The following ZMAT4 variants were observed in gnomAD, a reference collection of about 807,000 sequenced individuals.
The protein encoded by ZMAT4 is zinc finger matrin-type protein 4.
A neutral mutation model predicts 28.7 loss-of-function variants in ZMAT4; 17 were observed. The observed-to-expected ratio is 0.59, with a 90% confidence interval of 0.41 to 0.89. ZMAT4 has a LOEUF of 0.89. Ranked by LOEUF, ZMAT4 falls within the 40% of genes least tolerant of loss-of-function variation. The pLI, the probability that ZMAT4 is intolerant of heterozygous loss-of-function variation, is 0.00. For missense variants in ZMAT4, 240 were observed against 283.8 expected, an observed-to-expected ratio of 0.85 and a Z score of 1.11; for synonymous variants, 117 against 109.2, an observed-to-expected ratio of 1.07 and a Z score of -0.44.
chr8:40,682,181 T>G (rs992761152), intron 4 of ZMAT4, among the ~76,000 whole-genome samples: 2 of 152,220 alleles, frequency 1.3e-5, no homozygotes, highest in Non-Finnish European at 2.9e-5. Flanking sequence ...ACATTTTTAT[T>G]TTACCATTTA....
At chr8:40,887,414 A>T (rs528021858) in intron 1 of ZMAT4, among the ~76,000 whole-genome samples, 12 of 151,560 alleles carry the variant, frequency 7.9e-5, no homozygotes, top group Non-Finnish European at 1.8e-4. Context: ...GCTTGAACCC[A>T]GGAGGCAGAG....
chr8:40,761,735 A>C (rs1812950412), intron 3 of ZMAT4, among the ~76,000 whole-genome samples: 1 of 152,176 alleles, frequency 6.6e-6, no homozygotes, highest in Non-Finnish European at 1.5e-5. Flanking sequence ...TAATTATGAA[A>C]GGGCCCATAG....
intron 5 of ZMAT4, among the ~76,000 whole-genome samples, chr8:40,663,808 G>A (rs968211500): frequency 6.6e-6 from 1 of 152,174 alleles, no homozygotes; most frequent in African/African-American, 2.4e-5. Context: ...ATTATCGTAT[G>A]TGTTTAAGGG....
At chr8:40,733,352 C>A (rs577773721) in intron 3 of ZMAT4, among the ~76,000 whole-genome samples, 44 of 152,228 alleles carry the variant, frequency 2.9e-4, no homozygotes, top group African/African-American at 9.6e-4. Context: ...TGCCTTGAAA[C>A]TCTATTATGT....
intron 1 of ZMAT4, among the ~76,000 whole-genome samples, chr8:40,867,097 C>T (rs1383488111): frequency 1.3e-5 from 2 of 152,100 alleles, no homozygotes; most frequent in African/African-American, 2.4e-5. Flanking sequence ...CGCCTCTAGC[C>T]GATGTTATTG....
chr8:40,754,982 C>A (rs960774976), intron 3 of ZMAT4, among the ~76,000 whole-genome samples: 2 of 151,750 alleles, frequency 1.3e-5, no homozygotes, highest in African/African-American at 2.4e-5. Context: ...TTCCATCCAG[C>A]CTGAGCAACA....
intron 5 of ZMAT4, among the ~76,000 whole-genome samples, chr8:40,670,557 G>T (rs1193014391): frequency 6.6e-6 from 1 of 152,092 alleles, no homozygotes; most frequent in Non-Finnish European, 1.5e-5. Flanking sequence ...AAAAATGCCT[G>T]CTCATTGAAG....
At chr8:40,747,944 A>G (rs1812306032) in intron 3 of ZMAT4, among the ~76,000 whole-genome samples, 1 of 152,236 alleles carries the variant, frequency 6.6e-6, no homozygotes, top group African/African-American at 2.4e-5. Context: ...TTCTTTTACA[A>G]TAAAATATCA....
intron 6 of ZMAT4, among the ~76,000 whole-genome samples, chr8:40,580,570 T>C (rs1804429873): frequency 6.6e-6 from 1 of 152,178 alleles, no homozygotes; most frequent in South Asian, 2.1e-4. Flanking sequence ...AAATGTCCAG[T>C]GGTTTTTAAA....
At chr8:40,862,498 C>T (rs1227082475) in intron 1 of ZMAT4, among the ~76,000 whole-genome samples, 4 of 141,756 alleles carry the variant, frequency 2.8e-5, no homozygotes, top group East Asian at 2.2e-4. Context: ...TGCAGCACAC[C>T]AGCATGGCAC....
intron 1 of ZMAT4, among the ~76,000 whole-genome samples, chr8:40,876,717 G>A (rs1475146357): frequency 1.3e-5 from 2 of 152,202 alleles, no homozygotes; most frequent in Non-Finnish European, 2.9e-5. Context: ...TGATTTGACT[G>A]TTGATGTTAT....
chr8:40,572,871 T>G (rs1036561353), intron 6 of ZMAT4, among the ~76,000 whole-genome samples: 5 of 152,126 alleles, frequency 3.3e-5, no homozygotes, highest in Non-Finnish European at 7.4e-5. Flanking sequence ...CAAAGAGCAA[T>G]CTGACAATTA....
chr8:40,598,938 G>C (rs1166963176), intron 5 of ZMAT4, among the ~76,000 whole-genome samples: 1 of 152,112 alleles, frequency 6.6e-6, no homozygotes, highest in Non-Finnish European at 1.5e-5. Flanking sequence ...TGGTGGAGGA[G>C]GAGTTTGACT....
chr8:40,812,952 A>AATTAC, intron 2 of ZMAT4, among the ~76,000 whole-genome samples: 1 of 146,964 alleles, frequency 6.8e-6, no homozygotes, highest in African/African-American at 2.5e-5. Context: ...AATTAAATTA[A>AATTAC]ATTAAATTAA....
At chr8:40,671,066 CAAAA>C (rs34621757) in intron 5 of ZMAT4, among the ~76,000 whole-genome samples, 1 of 123,588 alleles carries the variant, frequency 8.1e-6, no homozygotes, top group Admixed American at 8.3e-5. Context: ...GACTCCATCT[CAAAA>C]AAAAAAAAAA....
chr8:40,657,945 C>T (rs1276737591), intron 5 of ZMAT4, among the ~76,000 whole-genome samples: 1 of 152,100 alleles, frequency 6.6e-6, no homozygotes, highest in African/African-American at 2.4e-5. Flanking sequence ...GACATTGTCC[C>T]ACACACAGTG....
At chr8:40,859,934 C>T (rs1297581886) in intron 1 of ZMAT4, among the ~76,000 whole-genome samples, 1 of 152,052 alleles carries the variant, frequency 6.6e-6, no homozygotes, top group Non-Finnish European at 1.5e-5. Context: ...AGAAAGATGT[C>T]GAGGTTAGGC....
intron 5 of ZMAT4, among the ~76,000 whole-genome samples, chr8:40,640,726 C>T (rs745797220): frequency 2.6e-5 from 4 of 151,744 alleles, no homozygotes; most frequent in Non-Finnish European, 5.9e-5. Flanking sequence ...TTTGGGAGGT[C>T]GAGGTGGTGG....
At chr8:40,781,399 G>C (rs1379387714) in intron 2 of ZMAT4, among the ~76,000 whole-genome samples, 2 of 152,082 alleles carry the variant, frequency 1.3e-5, no homozygotes, top group Non-Finnish European at 2.9e-5. Flanking sequence ...TTACTAAAAA[G>C]CTATAGTAAT....
Sources: gnomAD v4.1 joint callset for allele counts (sites outside exome capture counted in the v4.1 genomes callset) on GRCh38, gnomAD v4.1.1 for gene constraint, MANE v1.5 for transcripts, NCBI Gene and HGNC (gene_info 2026-07-23, HGNC 2026-07-21) for gene names.